Variants in IFT88 observed in about 807,000 individuals in gnomAD.
IFT88 encodes the protein intraflagellar transport protein 88 homolog.
A neutral mutation model predicts 119.5 loss-of-function variants in IFT88; 74 were observed. The ratio of observed to expected loss-of-function variants is 0.62; its 90% CI spans 0.51 to 0.75. The LOEUF (loss-of-function observed/expected upper bound fraction) is 0.75, where lower values mean the gene tolerates loss of function less well. Among genes scored for constraint, IFT88 ranks in the 30% least tolerant of loss-of-function variants. IFT88 has a pLI of 0.00. For missense variants in IFT88, 961 were observed against 977.7 expected (o/e 0.98, Z 0.23); for synonymous variants, 279 against 316.7 (o/e 0.88, Z 1.26).
intron 23 of IFT88, among the ~76,000 whole-genome samples, chr13:20,667,289 T>C (rs776333117): frequency 3.3e-5 from 5 of 152,230 alleles, no homozygotes; most frequent in Non-Finnish European, 4.4e-5. Context: ...AGCCCTCATA[T>C]ACCATATGAT....
intron 20 of IFT88, among the ~76,000 whole-genome samples, chr13:20,653,634 C>T (rs1028121843): frequency 6.6e-6 from 1 of 152,076 alleles, no homozygotes; most frequent in African/African-American, 2.4e-5. Flanking sequence ...AAGTGGTTCT[C>T]ATATGAATAT....
At chr13:20,688,937 A>T (rs557050687) in intron 24 of IFT88, among the ~76,000 whole-genome samples, 487 of 151,820 alleles carry the variant, frequency 3.2e-3, no homozygotes, top group African/African-American at 4.2e-3. Flanking sequence ...TTAATTAATT[A>T]ATTTATTTAT....
rs1037071480 is a variant in IFT88, at chr13:20,653,925, A to C, written c.1999A>C (p.Ser667Arg). Residue 667 changes from serine (S) to arginine (R), a missense_variant, in exon 21 of 26, where the codon AGT becomes CGT. Transcript: ENST00000351808. ...GATGGTAGCTAGTTGTTTCAGAAGA[A>C]GTGGTAAATGCTTTAGTTTTATTCA... Reference protein sequence around the residue: ...QLMVASCFRRSGNYQKALDTY... With the variant: ...QLMVASCFRRRGNYQKALDTY... 5 of 1,580,186 alleles carry C rather than the reference A, an allele frequency of 3.2e-6. No individual in the cohort carries two copies. The African/African-American group carries it at 5.4e-5, about 17-fold the overall frequency.
intron 13 of IFT88, chr13:20,608,039 GCCT>G: frequency 1.8e-6 from 1 of 555,356 alleles, no homozygotes; most frequent in Non-Finnish European, 3.4e-6. Flanking sequence ...CCCACCAATG[GCCT>G]CCTCTTCCCC....
chr13:20,590,995 G>T lies in IFT88; in HGVS notation c.239G>T (p.Gly80Val), dbSNP rs756326377. The T allele has an allele frequency of 8.7e-6, 14 of 1,610,004 alleles. No homozygotes were observed. In the South Asian group the frequency reaches 1.4e-4, roughly 17 times the overall value. The change falls in exon 5 of 26, where the codon GGA becomes GTA. Residue 80 changes from glycine (G) to valine (V), a missense_variant. Gly to Val is a moderately radical substitution (Grantham distance 109). Coordinates refer to ENST00000351808, the MANE Select transcript of IFT88 (RefSeq NM_006531.5). ...GSKTSLASSI[G>V]RPMTGAIQDG... The stretch of plus-strand genomic sequence containing the variant: ...AAGACATCTCTGGCATCATCAATAG[G>T]AAGACCAATGACAGGGGCTATTCAG...
intron 24 of IFT88, among the ~76,000 whole-genome samples, chr13:20,689,683 A>G (rs1246016097): frequency 6.6e-6 from 1 of 152,138 alleles, no homozygotes; most frequent in African/African-American, 2.4e-5. Context: ...AGATTGCTAT[A>G]TAGTTATTGT....
intron 11 of IFT88, among the ~76,000 whole-genome samples, chr13:20,601,132 G>A (rs1594051758): frequency 6.6e-6 from 1 of 152,226 alleles, no homozygotes; most frequent in Non-Finnish European, 1.5e-5. Context: ...TTGGGAGGCC[G>A]AGGCGGGCGA....
At chr13:20,600,793 G>A (rs745354222) in intron 11 of IFT88, among the ~76,000 whole-genome samples, 6 of 152,014 alleles carry the variant, frequency 3.9e-5, no homozygotes, top group South Asian at 2.1e-4. Context: ...AATATAGATC[G>A]TCACAAAGGC....
intron 24 of IFT88, among the ~76,000 whole-genome samples, chr13:20,677,386 G>A (rs2056802592): frequency 6.6e-6 from 1 of 151,006 alleles, no homozygotes; most frequent in African/African-American, 2.4e-5. Flanking sequence ...TCCAAGCAAT[G>A]GTCCTTGTAA....
rs1279593767 is a variant in IFT88 at position 20,604,087 on chromosome 13, TA to T, written c.1042-947del. Among the ~76,000 whole-genome samples, 3 of 151,600 alleles carry T rather than the reference TA, an allele frequency of 2.0e-5. No individual in the cohort carries two copies. The East Asian group carries it at 5.8e-4, about 29-fold the overall frequency. Reference sequence around the variant, plus strand: ...AAAGTAAAATAACAAATAAAAAAAATATATATTAGCCAGGCATGGTGGCACA... The same window carrying T: ...AAAGTAAAATAACAAATAAAAAAAATTATATTAGCCAGGCATGGTGGCACA... On this transcript the variant is annotated intron_variant, in intron 12 of 25. Transcript: ENST00000351808.
chr13:20,648,563 A>T (rs2051097421), intron 20 of IFT88, among the ~76,000 whole-genome samples: 1 of 152,180 alleles, frequency 6.6e-6, no homozygotes, highest in South Asian at 2.1e-4. Flanking sequence ...GAAATAGTAC[A>T]CTAAAAAAAA....
rs562931762 is a variant in IFT88 at position 20,602,979 on chromosome 13, T to C, written c.1041+1046T>C. ...ATATTTTCAAACACCTAGAGAAATA[T>C]TATATAATGTTAAGTGAAAACATAC... On this transcript the variant is annotated intron_variant, in intron 12 of 25. Transcript: ENST00000351808. Among the ~76,000 whole-genome samples the C allele has an allele frequency of 8.5e-4, 130 of 152,212 alleles. 1 individual carries two copies. Among genetic ancestry groups the C allele is most frequent in the African/African-American group, 3.0e-3 (126 of 41,528 alleles).
At chr13:20,666,452 CTGGGT>C (rs2054698240) in intron 23 of IFT88, among the ~76,000 whole-genome samples, 1 of 152,312 alleles carries the variant, frequency 6.6e-6, no homozygotes, top group South Asian at 2.1e-4. Context: ...AGACCCCACT[CTGGGT>C]GGCCCATCCT....
At chr13:20,568,687 T>C (rs879551368) in intron 1 of IFT88, among the ~76,000 whole-genome samples, 1 of 152,182 alleles carries the variant, frequency 6.6e-6, no homozygotes, top group Non-Finnish European at 1.5e-5. Context: ...ATTAAAAATA[T>C]TTTATATATC....
rs1192747967 is a variant in IFT88, at chr13:20,643,585, G to T, written c.1813G>T (p.Ala605Ser). 8 of 1,602,902 alleles carry T rather than the reference G, an allele frequency of 5.0e-6. No homozygotes were observed. Among genetic ancestry groups the T allele is most frequent in the Non-Finnish European group, 6.8e-6 (8 of 1,173,448 alleles). ...LYDREGDKSQ[A>S]FQYYYESYRY... The stretch of plus-strand genomic sequence containing the variant: ...TGATCGTGAAGGAGATAAATCTCAA[G>T]CATTTCAATATTACTATGAGGTAGG... Residue 605 changes from alanine (A) to serine (S), a missense_variant, in exon 19 of 26, where the codon GCA becomes TCA. Coordinates refer to ENST00000351808, the MANE Select transcript of IFT88 (RefSeq NM_006531.5).
intron 22 of IFT88, among the ~76,000 whole-genome samples, chr13:20,660,556 C>T (rs993443637): frequency 3.9e-5 from 6 of 152,126 alleles, no homozygotes; most frequent in African/African-American, 1.2e-4. Flanking sequence ...TGGGCAGTAC[C>T]GAAATGCAAA....
intron 1 of IFT88, among the ~76,000 whole-genome samples, chr13:20,573,049 A>G (rs1214220378): frequency 1.3e-5 from 2 of 152,132 alleles, no homozygotes; most frequent in Non-Finnish European, 2.9e-5. Context: ...GACAAAGAAA[A>G]GAAAGGTTTA....
chr13:20,595,647 A>T (rs537430010), intron 7 of IFT88, among the ~76,000 whole-genome samples: 1 of 152,186 alleles, frequency 6.6e-6, no homozygotes, highest in Non-Finnish European at 1.5e-5. Context: ...TACATGATGT[A>T]GTTGTTAAAA....
In IFT88 at chr13:20,599,662, A is replaced by G. The variant is rs533435166; in HGVS notation, c.812+97A>G. On this transcript the variant is annotated intron_variant, in intron 11 of 25. Transcript: ENST00000351808. ...TGTTTTCAGTGGGTTGAACATTTCA[A>G]AGTGTTTGTACATGAGATTTATACG... is the stretch of plus-strand genomic sequence containing the variant. The G allele has an allele frequency of 1.1e-5, 7 of 628,274 alleles. No individual in the cohort carries two copies. The Middle Eastern group carries it at 1.3e-3, about 113-fold the overall frequency. The allele number at this position is 628,274 out of a possible 1,614,324, so 38.9% of individuals were successfully genotyped here. A position where few individuals can be genotyped will look rare whatever the true frequency, so the allele number is the denominator to read the frequency against.
Sources: gnomAD v4.1 joint callset for allele counts (sites outside exome capture counted in the v4.1 genomes callset) on GRCh38, gnomAD v4.1.1 for gene constraint, MANE v1.5 for transcripts, NCBI Gene and HGNC (gene_info 2026-07-23, HGNC 2026-07-21) for gene names.